The following FGF2 variants were observed in gnomAD, a reference collection of about 807,000 sequenced individuals.
The protein encoded by FGF2 is fibroblast growth factor 2, also known as basic fibroblast growth factor bFGF.
FGF2 carries 13 observed loss-of-function variants against 15.9 expected under a neutral mutation model. The observed-to-expected ratio is 0.82, with a 90% CI of 0.53 to 1.30. The LOEUF (loss-of-function observed/expected upper bound fraction) is 1.30, where lower values mean the gene tolerates loss of function less well. FGF2 is among the 50% of genes most tolerant of loss of function. The pLI, the probability that FGF2 is intolerant of heterozygous loss-of-function variation, is 0.00. For missense variants in FGF2, 163 were observed against 196.9 expected (o/e 0.83, Z 1.03); for synonymous variants, 90 against 78.4 (o/e 1.15, Z -0.78).
In FGF2 at chr4:122,894,890, C is replaced by G; in HGVS notation, c.*2494C>G. 1 of 152,028 alleles carries G rather than the reference C, an allele frequency of 6.6e-6. No homozygotes were observed. The allele number at this position is 152,028 out of a possible 1,614,324, so 9.4% of individuals were successfully genotyped here. A position where few individuals can be genotyped will look rare whatever the true frequency, so the allele number is the denominator to read the frequency against. ...TGTTTGAAAATAAATTATGGGGATCCTATTTAGCTCTTAGTACCACTAATC... is the reference window on the plus strand; with the variant it reads ...TGTTTGAAAATAAATTATGGGGATCGTATTTAGCTCTTAGTACCACTAATC... On this transcript the variant is annotated 3_prime_UTR_variant, in exon 3 of 3. Coordinates refer to ENST00000644866, the MANE Select transcript of FGF2 (RefSeq NM_001361665.2).
chr4:122,870,696 T>G (rs1382562064), intron 1 of FGF2, among the ~76,000 whole-genome samples: 3 of 152,178 alleles, frequency 2.0e-5, no homozygotes, highest in Non-Finnish European at 4.4e-5. Flanking sequence ...TTGTATTGTG[T>G]CTACTTGATT....
intron 1 of FGF2, among the ~76,000 whole-genome samples, chr4:122,844,618 T>TCTTTCTTC (rs1244924483): frequency 5.3e-4 from 59 of 110,746 alleles, no homozygotes; most frequent in Middle Eastern, 5.2e-3. Context: ...TTCCTTCCTT[T>TCTTTCTTC]CTTTCTTCCT....
At chr4:122,876,631 ATAAAG>A (rs1376912861) in intron 2 of FGF2, among the ~76,000 whole-genome samples, 1 of 152,246 alleles carries the variant, frequency 6.6e-6, no homozygotes, top group African/African-American at 2.4e-5. Flanking sequence ...CACAGCTCAT[ATAAAG>A]TAGAGACTGG....
intron 1 of FGF2, among the ~76,000 whole-genome samples, chr4:122,868,022 T>G (rs796797898): frequency 1.3e-5 from 2 of 152,352 alleles, no homozygotes; most frequent in African/African-American, 4.8e-5. Flanking sequence ...GGTGCTTTTC[T>G]TGTAAACAAC....
intron 1 of FGF2, among the ~76,000 whole-genome samples, chr4:122,841,252 C>CT (rs1217425532): frequency 1.1e-4 from 17 of 152,220 alleles, no homozygotes; most frequent in African/African-American, 3.9e-4. Context: ...TCTGTGGCCA[C>CT]TTTCACACTA....
intron 1 of FGF2, among the ~76,000 whole-genome samples, chr4:122,847,613 C>CTATCTATG (rs1726139813): frequency 1.5e-5 from 2 of 135,806 alleles, no homozygotes; most frequent in Non-Finnish European, 3.0e-5. Flanking sequence ...CTCTATCTAT[C>CTATCTATG]TATCTATCTA....
At chr4:122,877,663 G>A (rs962746515) in intron 2 of FGF2, among the ~76,000 whole-genome samples, 19 of 152,230 alleles carry the variant, frequency 1.2e-4, no homozygotes, top group African/African-American at 4.6e-4. Context: ...GCGTGTGTGT[G>A]TTTCACAGCT....
At chr4:122,885,913 CTT>C (rs11310783) in intron 2 of FGF2, among the ~76,000 whole-genome samples, 887 of 84,410 alleles carry the variant, frequency 0.011, 1 homozygote, top group Non-Finnish European at 0.014. Flanking sequence ...TTTTTTTTTC[CTT>C]TTTTTTTTTT....
intron 1 of FGF2, among the ~76,000 whole-genome samples, chr4:122,865,742 C>A (rs544816308): frequency 6.6e-6 from 1 of 152,232 alleles, no homozygotes; most frequent in Admixed American, 6.5e-5. Context: ...ATAATTTATT[C>A]TTGGGAACGT....
chr4:122,884,753 A>C (rs1727023731), intron 2 of FGF2: 1 of 152,144 alleles, frequency 6.6e-6, no homozygotes, highest in Admixed American at 6.5e-5. Context: ...TTCAAATCTA[A>C]AATTAGGAGT....
At chr4:122,855,948 G>C (rs1726331696) in intron 1 of FGF2, among the ~76,000 whole-genome samples, 1 of 152,100 alleles carries the variant, frequency 6.6e-6, no homozygotes, top group Non-Finnish European at 1.5e-5. Context: ...TCACCTTCTA[G>C]TGAAATTACT....
intron 2 of FGF2, 151 bp from the exon 3 acceptor site, chr4:122,892,060 T>C (rs896339928): frequency 1.4e-5 from 10 of 703,720 alleles, no homozygotes; most frequent in South Asian, 3.8e-5. Context: ...TTTTGGCCCA[T>C]TGAATCTTGT....
At chr4:122,874,527 A>G (rs1726801315) in intron 1 of FGF2, among the ~76,000 whole-genome samples, 1 of 152,192 alleles carries the variant, frequency 6.6e-6, no homozygotes, top group East Asian at 1.9e-4. Flanking sequence ...GTAAATTCTT[A>G]AACATTCATA....
chr4:122,856,884 G>A (rs977096335), intron 1 of FGF2, among the ~76,000 whole-genome samples: 3 of 152,180 alleles, frequency 2.0e-5, no homozygotes, highest in Admixed American at 6.5e-5. Flanking sequence ...CTACCCATCT[G>A]TTCTCCATTT....
intron 1 of FGF2, among the ~76,000 whole-genome samples, chr4:122,828,541 G>T (rs1725696167): frequency 6.6e-6 from 1 of 152,144 alleles, no homozygotes; most frequent in South Asian, 2.1e-4. Context: ...CTGTAGTTCT[G>T]CCTTTGTCTT....
intron 1 of FGF2, among the ~76,000 whole-genome samples, chr4:122,838,752 C>A (rs1369956251): frequency 6.6e-6 from 1 of 152,180 alleles, no homozygotes; most frequent in East Asian, 1.9e-4. Context: ...TTAGGAAAGA[C>A]TTCTGTCATG....
chr4:122,852,982 AT>A (rs1726267504), intron 1 of FGF2, among the ~76,000 whole-genome samples: 1 of 151,818 alleles, frequency 6.6e-6, no homozygotes, highest in Admixed American at 6.6e-5. Flanking sequence ...GGCCTTATTT[AT>A]CTTGCTCTGC....
At position 122,891,053 on chromosome 4, in the gene FGF2, T is replaced by TA. The variant is rs1727171521; in HGVS notation, c.283-1158_283-1157insA. Among the ~76,000 whole-genome samples the TA allele has an allele frequency of 5.6e-5, 8 of 143,380 alleles. No individual in the cohort carries two copies. In the South Asian group the frequency reaches 9.7e-4, roughly 17 times the overall value. The allele number at this position is 143,380 out of a possible 152,430, so 94.1% of individuals were successfully genotyped here. On this transcript the variant is annotated intron_variant, in intron 2 of 2. Transcript: ENST00000644866. ...TTTTTTTTGTTTTGTTTTGTTTTGT[T>TA]TTTTTGAGACGGAGTCTCGCTGTGT...
chr4:122,879,036 T>C (rs1441509393), intron 2 of FGF2, among the ~76,000 whole-genome samples: 1 of 152,340 alleles, frequency 6.6e-6, no homozygotes, highest in East Asian at 1.9e-4. Flanking sequence ...GATTGTTAGA[T>C]AGATTTGGGT....
Sources: gnomAD v4.1 joint callset for allele counts (sites outside exome capture counted in the v4.1 genomes callset) on GRCh38, gnomAD v4.1.1 for gene constraint, MANE v1.5 for transcripts, NCBI Gene and HGNC (gene_info 2026-07-23, HGNC 2026-07-21) for gene names.